The following MYH7B variants were observed in gnomAD, a reference collection of about 807,000 sequenced individuals.
MYH7B encodes myosin heavy chain 7B, also known as myosin-7B.
MYH7B carries 205 observed loss-of-function variants against 234.5 expected under a neutral mutation model. The ratio of observed to expected loss-of-function variants is 0.87; its 90% CI spans 0.78 to 0.98. The LOEUF (loss-of-function observed/expected upper bound fraction) is 0.98, where lower values mean the gene tolerates loss of function less well. Ranked by LOEUF, MYH7B falls within the 50% of genes least tolerant of loss-of-function variation. MYH7B has a pLI of 0.00. For synonymous variants in MYH7B, 1,193 were observed against 1,105.0 expected, an observed-to-expected ratio of 1.08 and a Z score of -1.58; for missense variants, 2,652 against 2,633.4, an observed-to-expected ratio of 1.01 and a Z score of -0.15.
At chr20:34,996,271 C>T in intron 28 of MYH7B, 75 bp from the exon 29 acceptor site, 1 of 1,502,362 alleles carries the variant, frequency 6.7e-7, no homozygotes, top group South Asian at 1.2e-5. Context: ...GGCACTTGCT[C>T]TGACCTGGTG....
At position 34,997,187 on chromosome 20, in the gene MYH7B, G is replaced by T; in HGVS notation, c.3357+14G>T. The T allele has an allele frequency of 6.4e-7, 1 of 1,550,544 alleles. No individual in the cohort carries two copies. The highest frequency in any genetic ancestry group is 8.7e-7 in the Non-Finnish European group (1 of 1,147,466). ...AAGGAGCTGCAGGTGCGTGGGGATC[G>T]GGTGGGTGAGGCCTGGGGTCAGAGG... is the stretch of plus-strand genomic sequence containing the variant. On this transcript the variant is annotated intron_variant, in intron 31 of 44. Coordinates refer to ENST00000262873, the Ensembl canonical transcript of MYH7B.
intron 43 of MYH7B, 120 bp from the exon 44 acceptor site, chr20:35,001,828 G>A (rs927191954): frequency 1.2e-5 from 18 of 1,444,256 alleles, no homozygotes; most frequent in Admixed American, 2.1e-5. Flanking sequence ...AGGATGGACA[G>A]TGGCAATAGG....
chr20:34,985,167 G>A (rs1330451758), intron 13 of MYH7B, 38 bp downstream of exon 13: 3 of 1,602,392 alleles, frequency 1.9e-6, no homozygotes, highest in Middle Eastern at 3.3e-4. Context: ...GGGGAAGGAG[G>A]CCTGAGCCCG....
In MYH7B at chr20:34,978,235, CAG is replaced by C. The variant is rs1387188647; in HGVS notation, c.91+142_91+143del. 1.5e-5 allele frequency: 15 copies of C among 971,304 alleles called. No individual in the cohort carries two copies. The East Asian group carries it at 3.9e-4, about 25-fold the overall frequency. 60.2% of individuals were successfully genotyped at this position (971,304 alleles called of 1,614,324 possible). ...CAGCTGGAGCCCTGGACCTTTCCTGCAGAGTCTGGGGCCTGGAAATTAAAACC... is the reference window on the plus strand; with the variant it reads ...CAGCTGGAGCCCTGGACCTTTCCTGCAGTCTGGGGCCTGGAAATTAAAACC... On this transcript the variant is annotated intron_variant, in intron 5 of 44. Coordinates refer to ENST00000262873, the Ensembl canonical transcript of MYH7B.
At chr20:34,993,255 A>G (rs758583410) in intron 25 of MYH7B, 30 bp downstream of exon 25, 2 of 1,613,934 alleles carry the variant, frequency 1.2e-6, no homozygotes, top group Admixed American at 1.7e-5. Context: ...AGGGCTGGCC[A>G]TGGCTGTGGC....
chr20:34,986,138 G>A (rs1411543356), exon 14 of MYH7B: 2 of 1,597,520 alleles, frequency 1.3e-6, no homozygotes, highest in Admixed American at 1.7e-5. Flanking sequence ...CCAGTTGCCT[G>A]GTGAGCGCAG....
In MYH7B at chr20:34,987,919, G is replaced by C; in HGVS notation, c.1416+5G>C. On this transcript the variant is annotated splice_donor_5th_base_variant and intron_variant, in intron 18 of 44. Transcript: ENST00000262873. ...GCTGGGTTTGAGATCTTTGAGGTGA[G>C]GACAGGCCCTCACCTTGGCCTCTGT... 6.3e-7 allele frequency: 1 copy of C among 1,587,428 alleles called. No homozygotes were observed. Among genetic ancestry groups the C allele is most frequent in the Non-Finnish European group, 8.6e-7 (1 of 1,164,774 alleles).
intron 24 of MYH7B, among the ~76,000 whole-genome samples, chr20:34,991,665 GACA>G (rs1221045039): frequency 2.6e-5 from 4 of 152,130 alleles, no homozygotes; most frequent in Non-Finnish European, 5.9e-5. Flanking sequence ...GGCTTCATGA[GACA>G]CCTGGCACAT....
intron 12 of MYH7B, 32 bp downstream of exon 12, chr20:34,984,978 A>G (rs1044005658): frequency 6.2e-7 from 1 of 1,608,238 alleles, no homozygotes; most frequent in Non-Finnish European, 8.5e-7. Context: ...GGTGGCGGGG[A>G]TGCCGTAGGC....
chr20:34,960,247 T>G (rs1346881204), intron 2 of MYH7B, among the ~76,000 whole-genome samples: 2 of 152,116 alleles, frequency 1.3e-5, no homozygotes, highest in Non-Finnish European at 2.9e-5. Context: ...TTTGTTTTTG[T>G]TTTTTTGAGA....
At chr20:34,991,778 C>T (rs1048639788) in intron 24 of MYH7B, among the ~76,000 whole-genome samples, 2 of 152,218 alleles carry the variant, frequency 1.3e-5, no homozygotes, top group Non-Finnish European at 2.9e-5. Context: ...GTGTCATCCA[C>T]ACTATCCTTT....
chr20:34,988,302 GT>G lies in MYH7B; in HGVS notation c.1587+41del, dbSNP rs1370612462. 3 of 1,590,240 alleles carry G rather than the reference GT, an allele frequency of 1.9e-6. No homozygotes were observed. The Admixed American group carries it at 5.1e-5, about 27-fold the overall frequency. On this transcript the variant is annotated intron_variant, in intron 19 of 44. Transcript: ENST00000262873. ...AAGGTCACTTTGAGGAAGGGAGGGT[GT>G]GTGTGGTGAGCAAGCAGGGATGGAT...
At chr20:35,000,586 T>G (rs758629702) in exon 39 of MYH7B, 76 of 1,568,626 alleles carry the variant, frequency 4.8e-5, no homozygotes, top group Non-Finnish European at 6.4e-5. Context: ...GCTGCGGAGC[T>G]GGAGGAGCTG....
chr20:34,986,185 G>A (rs375384730), exon 14 of MYH7B: 242 of 1,594,018 alleles, frequency 1.5e-4, no homozygotes, highest in Non-Finnish European at 2.0e-4. Context: ...CAGGGAGGAA[G>A]CCAGAGCTGC....
intron 30 of MYH7B, 131 bp from the exon 31 acceptor site, chr20:34,996,952 C>A (rs1417536354): frequency 2.0e-5 from 26 of 1,274,146 alleles, no homozygotes; most frequent in Non-Finnish European, 2.7e-5. Context: ...GCTGAGGCCT[C>A]AGGGCCCAGT....
chr20:34,982,620 CT>C (rs2081957968), intron 10 of MYH7B, 65 bp downstream of exon 10: 1 of 1,325,488 alleles, frequency 7.5e-7, no homozygotes, highest in Non-Finnish European at 1.0e-6. Flanking sequence ...CTTTCTTCCT[CT>C]CTTTTTTTTT....
At chr20:35,001,874 C>G (rs2082393836) in intron 43 of MYH7B, 74 bp from the exon 44 acceptor site, 4 of 1,554,542 alleles carry the variant, frequency 2.6e-6, no homozygotes, top group Non-Finnish European at 2.6e-6. Flanking sequence ...TAGCTCCCTT[C>G]TTGGACTGGG....
chr20:34,958,166 C>T (rs1040609392), exon 2 of MYH7B, among the ~76,000 whole-genome samples: 3 of 152,158 alleles, frequency 2.0e-5, no homozygotes, highest in Admixed American at 2.0e-4. Flanking sequence ...TGGGGAGGAT[C>T]CCAGACCTTA....
At chr20:34,989,290 C>G (rs1181066470) in intron 19 of MYH7B, among the ~76,000 whole-genome samples, 1 of 152,184 alleles carries the variant, frequency 6.6e-6, no homozygotes, top group Non-Finnish European at 1.5e-5. Flanking sequence ...AATATTATGT[C>G]AGCACTGAAG....
Sources: allele counts gnomAD v4.1 joint callset (sites outside exome capture counted in the v4.1 genomes callset), GRCh38; gene constraint gnomAD v4.1.1; transcripts MANE v1.5; gene names NCBI Gene and HGNC (gene_info 2026-07-23, HGNC 2026-07-21).